SETBP1: variants seen among roughly 807,000 people sequenced by gnomAD.
SETBP1 encodes the protein SET-binding protein.
SETBP1 carries 9 observed loss-of-function variants against 101.0 expected under a neutral mutation model. The observed-to-expected ratio is 0.09, with a 90% CI of 0.05 to 0.16. The LOEUF (loss-of-function observed/expected upper bound fraction) is 0.16, where lower values mean the gene tolerates loss of function less well. Ranked by LOEUF, SETBP1 falls within the 10% of genes least tolerant of loss-of-function variation. The probability of loss-of-function intolerance (pLI) is 1.00; values close to 1 mark genes in which losing one functional copy is unlikely to be tolerated. For missense variants in SETBP1, 1,858 were observed against 2,033.8 expected, an observed-to-expected ratio of 0.91 and a Z score of 1.66; for synonymous variants, 818 against 788.5, an observed-to-expected ratio of 1.04 and a Z score of -0.63.
chr18:44,917,939 G>T (rs554859846), intron 3 of SETBP1, among the ~76,000 whole-genome samples: 2 of 152,130 alleles, frequency 1.3e-5, no homozygotes, highest in African/African-American at 4.8e-5. Flanking sequence ...ACCACAGCGA[G>T]CTTGTGTCTC....
intron 2 of SETBP1, among the ~76,000 whole-genome samples, chr18:44,765,853 C>G (rs1363444597): frequency 2.6e-5 from 4 of 152,222 alleles, no homozygotes; most frequent in Non-Finnish European, 5.9e-5. Context: ...GACAAGAACT[C>G]AAGTTCCAGC....
intron 4 of SETBP1, among the ~76,000 whole-genome samples, chr18:45,037,361 G>A (rs1172360323): frequency 6.6e-6 from 1 of 152,068 alleles, no homozygotes; most frequent in Non-Finnish European, 1.5e-5. Context: ...TTGCTTGCTG[G>A]TTACCACTGG....
At chr18:44,843,172 C>T (rs1487499969) in intron 2 of SETBP1, among the ~76,000 whole-genome samples, 1 of 152,168 alleles carries the variant, frequency 6.6e-6, no homozygotes, top group Non-Finnish European at 1.5e-5. Context: ...CAGACAGCTC[C>T]CCAGGCAGCC....
chr18:44,802,240 A>G (rs1271934578), intron 2 of SETBP1, among the ~76,000 whole-genome samples: 1 of 152,112 alleles, frequency 6.6e-6, no homozygotes, highest in Non-Finnish European at 1.5e-5. Flanking sequence ...ATTTTCTATG[A>G]TAGTTTCTGC....
chr18:44,909,726 C>A (rs2070259290), intron 3 of SETBP1, among the ~76,000 whole-genome samples: 1 of 152,140 alleles, frequency 6.6e-6, no homozygotes, highest in African/African-American at 2.4e-5. Context: ...CTACAGATGA[C>A]AAAACCAAGG....
intron 2 of SETBP1, among the ~76,000 whole-genome samples, chr18:44,862,485 A>G (rs1309540947): frequency 1.3e-5 from 2 of 151,528 alleles, no homozygotes; most frequent in Non-Finnish European, 2.9e-5. Flanking sequence ...GTGGGAAACC[A>G]CCCCCGCGGT....
intron 4 of SETBP1, among the ~76,000 whole-genome samples, chr18:45,029,807 T>G (rs1191408515): frequency 6.6e-6 from 1 of 152,180 alleles, no homozygotes; most frequent in Non-Finnish European, 1.5e-5. Context: ...TTTGGCTCTC[T>G]GTTTGTCTGT....
intron 4 of SETBP1, among the ~76,000 whole-genome samples, chr18:44,965,082 C>T (rs1051791960): frequency 6.6e-6 from 1 of 152,116 alleles, no homozygotes; most frequent in African/African-American, 2.4e-5. Context: ...AAGACAATTG[C>T]CAAATATCTT....
intron 4 of SETBP1, among the ~76,000 whole-genome samples, chr18:45,021,358 C>T (rs1376097956): frequency 6.6e-6 from 1 of 152,198 alleles, no homozygotes; most frequent in Non-Finnish European, 1.5e-5. Context: ...TAGGAACTGA[C>T]ATTAATCCCC....
rs552546067 is a variant in SETBP1 at position 45,064,064 on chromosome 18, G to A, written c.*366G>A. On this transcript the variant is annotated 3_prime_UTR_variant, in exon 6 of 6. Coordinates refer to ENST00000649279, the MANE Select transcript of SETBP1 (RefSeq NM_015559.3). ...ACTCCCGATTTCATTTGCTGGCCAG[G>A]AAAATCGAAAGGGAAACACCCTCAA... 13 of 193,424 alleles carry A rather than the reference G, an allele frequency of 6.7e-5. No homozygotes were observed. The East Asian group carries it at 1.5e-3, about 23-fold the overall frequency. The allele number at this position is 193,424 out of a possible 1,614,324, so 12.0% of individuals were successfully genotyped here.
intron 2 of SETBP1, among the ~76,000 whole-genome samples, chr18:44,805,756 C>T (rs1464918262): frequency 1.3e-5 from 2 of 152,092 alleles, no homozygotes; most frequent in Non-Finnish European, 2.9e-5. Context: ...TTGAGCTCAG[C>T]GCTGAGCTTG....
chr18:44,737,128 A>G (rs1905213874), intron 2 of SETBP1, among the ~76,000 whole-genome samples: 1 of 152,240 alleles, frequency 6.6e-6, no homozygotes, highest in Non-Finnish European at 1.5e-5. Context: ...AAGTCTGGCA[A>G]GTGGCTCAGT....
At chr18:44,751,782 C>T (rs2070384897) in intron 2 of SETBP1, among the ~76,000 whole-genome samples, 1 of 152,150 alleles carries the variant, frequency 6.6e-6, no homozygotes, top group Non-Finnish European at 1.5e-5. Flanking sequence ...TAACAATATA[C>T]CATAGACTGA....
chr18:44,953,080 A>G lies in SETBP1; in HGVS notation c.3740A>G (p.Glu1247Gly), dbSNP rs2145115036. 6.2e-7 allele frequency: 1 copy of G among 1,614,186 alleles called. No homozygotes were observed. Among genetic ancestry groups the G allele is most frequent in the Admixed American group, 1.7e-5 (1 of 60,032 alleles). ...GCCCAGCATTGGACACAGGCCAAGGAAAAAGGAGACTTGAGCAGTGAGCCT... is the reference window on the plus strand; with the variant it reads ...GCCCAGCATTGGACACAGGCCAAGGGAAAAGGAGACTTGAGCAGTGAGCCT... ...SDAQHWTQAK[E>G]KGDLSSEPVD... Residue 1247 changes from glutamate (E) to glycine (G), a missense_variant, in exon 4 of 6, where the codon GAA becomes GGA. This residue lies in a region of SETBP1 where 417 missense variants were observed against 389.1 expected (regional missense o/e 1.07). Coordinates refer to ENST00000649279, the MANE Select transcript of SETBP1 (RefSeq NM_015559.3).
At chr18:44,797,925 G>T (rs1230550832) in intron 2 of SETBP1, among the ~76,000 whole-genome samples, 3 of 152,190 alleles carry the variant, frequency 2.0e-5, no homozygotes, top group Non-Finnish European at 4.4e-5. Flanking sequence ...AACCCAGGTT[G>T]TCATAGAGCT....
chr18:44,873,059 A>T (rs1299960607), intron 3 of SETBP1, among the ~76,000 whole-genome samples: 5 of 152,046 alleles, frequency 3.3e-5, no homozygotes, highest in Non-Finnish European at 7.3e-5. Flanking sequence ...TACTATGGTC[A>T]AGGGCATGCT....
chr18:45,054,169 C>G (rs2073768958), intron 5 of SETBP1, among the ~76,000 whole-genome samples: 1 of 152,074 alleles, frequency 6.6e-6, no homozygotes, highest in African/African-American at 2.4e-5. Flanking sequence ...TCACTCCTTA[C>G]CAAAAGCCTA....
At chr18:44,818,696 G>A (rs1163627987) in intron 2 of SETBP1, among the ~76,000 whole-genome samples, 3 of 151,880 alleles carry the variant, frequency 2.0e-5, no homozygotes, top group Non-Finnish European at 2.9e-5. Flanking sequence ...CTTCACAAAA[G>A]AGTTTATAAA....
At chr18:44,867,697 C>G (rs2069159865) in intron 2 of SETBP1, among the ~76,000 whole-genome samples, 1 of 152,102 alleles carries the variant, frequency 6.6e-6, no homozygotes. Flanking sequence ...CCCCAAGACA[C>G]CTTCCACATG....
Sources: gnomAD v4.1 joint callset for allele counts (sites outside exome capture counted in the v4.1 genomes callset) on GRCh38, gnomAD v4.1.1 for gene constraint, gnomAD v4.1.1 regional missense constraint, MANE v1.5 for transcripts, NCBI Gene and HGNC (gene_info 2026-07-23, HGNC 2026-07-21) for gene names.